Variants in SEMA5A observed in about 807,000 individuals in gnomAD.
The protein encoded by SEMA5A is semaphorin 5A.
A neutral mutation model predicts 135.5 loss-of-function variants in SEMA5A; 55 were observed. That is an observed-to-expected ratio of 0.41 (90% CI 0.33 to 0.51). The LOEUF is 0.51. Among genes scored for constraint, SEMA5A ranks in the 20% least tolerant of loss-of-function variants. The pLI is 0.37. For synonymous variants in SEMA5A, 580 were observed against 546.5 expected (o/e 1.06, Z -0.85); for missense variants, 1,290 against 1,419.9 (o/e 0.91, Z 1.47).
chr5:9,178,708 T>G (rs1316055521), intron 11 of SEMA5A, among the ~76,000 whole-genome samples: 1 of 152,188 alleles, frequency 6.6e-6, no homozygotes, highest in Non-Finnish European at 1.5e-5. Context: ...GTAAAATATG[T>G]TTTACCACAA....
chr5:9,500,693 G>A (rs1417544061), intron 1 of SEMA5A, among the ~76,000 whole-genome samples: 1 of 152,196 alleles, frequency 6.6e-6, no homozygotes, highest in Admixed American at 6.5e-5. Context: ...ATCACATGCA[G>A]TATATAGGGT....
At chr5:9,154,154 T>C (rs1742824547) in intron 12 of SEMA5A, among the ~76,000 whole-genome samples, 1 of 147,972 alleles carries the variant, frequency 6.8e-6, no homozygotes. Context: ...TATATACATA[T>C]ATATAAGCTT....
intron 12 of SEMA5A, among the ~76,000 whole-genome samples, chr5:9,145,535 G>A (rs1373452706): frequency 6.6e-6 from 1 of 152,080 alleles, no homozygotes; most frequent in Non-Finnish European, 1.5e-5. Context: ...GGGGTCTGGA[G>A]CCAAGAAGTG....
At chr5:9,382,631 A>C (rs1375689101) in intron 2 of SEMA5A, among the ~76,000 whole-genome samples, 1 of 152,238 alleles carries the variant, frequency 6.6e-6, no homozygotes, top group Admixed American at 6.5e-5. Flanking sequence ...CAATATGAAT[A>C]AACCTGACCA....
Position 9,035,163 on chromosome 5 carries a change from C to T in SEMA5A, c.*7734G>A, listed in dbSNP as rs1324094277. The stretch of plus-strand genomic sequence containing the variant: ...ACAATCAGGATTCCCTTGTTTTGTT[C>T]CCCCCACAAATGGCAGCTAGAGATG... On this transcript the variant is annotated 3_prime_UTR_variant, in exon 23 of 23. Transcript: ENST00000382496. 6.6e-6 allele frequency: 1 copy of T among 152,232 alleles called. No homozygotes were observed. Among genetic ancestry groups the T allele is most frequent in the Non-Finnish European group, 1.5e-5 (1 of 67,992 alleles). 9.4% of individuals were successfully genotyped at this position (152,232 alleles called of 1,614,324 possible).
chr5:9,044,377 A>T lies in SEMA5A; in HGVS notation c.3101T>A (p.Ile1034Asn). 1 of 1,612,648 alleles carries T rather than the reference A, an allele frequency of 6.2e-7. No individual in the cohort carries two copies. Among genetic ancestry groups the T allele is most frequent in the Non-Finnish European group, 8.5e-7 (1 of 1,179,412 alleles). The change falls in exon 22 of 23, where the codon ATC (isoleucine) becomes AAC (asparagine). Residue 1034 changes from isoleucine to asparagine, a missense_variant. Coordinates refer to ENST00000382496, the MANE Select transcript of SEMA5A (RefSeq NM_003966.3). ...KLDKYDSVEAIKAFNKNNLIL... is the reference protein window; with the variant it reads ...KLDKYDSVEANKAFNKNNLIL... The stretch of plus-strand genomic sequence containing the variant: ...GAAATATTAAAATTCACTTACCTTG[A>T]TGGCCTCCACCGAGTCGTACTTGTC...
chr5:9,174,158 G>C (rs3777277), intron 11 of SEMA5A, among the ~76,000 whole-genome samples: 15,026 of 152,228 alleles, frequency 0.099, 1,218 homozygotes, highest in African/African-American at 0.2. Context: ...TATGCAGTTA[G>C]ACTTGGCCAT....
At chr5:9,068,762 T>C (rs1205321298) in intron 16 of SEMA5A, among the ~76,000 whole-genome samples, 1 of 152,196 alleles carries the variant, frequency 6.6e-6, no homozygotes, top group Non-Finnish European at 1.5e-5. Flanking sequence ...AGATGATTAT[T>C]TTCATGTATG....
intron 1 of SEMA5A, among the ~76,000 whole-genome samples, chr5:9,525,637 C>T (rs1020396698): frequency 6.6e-6 from 1 of 152,198 alleles, no homozygotes; most frequent in Non-Finnish European, 1.5e-5. Flanking sequence ...TTCTGGCCTC[C>T]AGAACTTCAA....
At chr5:9,232,256 A>C (rs1747672228) in intron 6 of SEMA5A, among the ~76,000 whole-genome samples, 1 of 152,174 alleles carries the variant, frequency 6.6e-6, no homozygotes. Flanking sequence ...CCCGTCGCCC[A>C]GCCCACTAAT....
Position 9,375,795 on chromosome 5 carries a change from C to T in SEMA5A, c.124+4028G>A, listed in dbSNP as rs551213583. On this transcript the variant is annotated intron_variant, in intron 3 of 22. Transcript: ENST00000382496. ...GCCTTGAACACTCTGCAGTATCTGA[C>T]GCTCTGCTGGACATAGCCTTCTTGA... Among the ~76,000 whole-genome samples the T allele has an allele frequency of 2.8e-4, 43 of 151,776 alleles. 1 individual carries two copies. The South Asian group carries it at 4.4e-3, about 16-fold the overall frequency.
chr5:9,173,884 TTAACATTATGAAAACA>T (rs981412488), intron 11 of SEMA5A, among the ~76,000 whole-genome samples: 3 of 152,222 alleles, frequency 2.0e-5, no homozygotes, highest in Non-Finnish European at 2.9e-5. Context: ...CATTCCTTTC[TTAACATTATGAAAACA>T]TAACATTATG....
intron 1 of SEMA5A, among the ~76,000 whole-genome samples, chr5:9,467,940 A>T (rs1197790518): frequency 2.6e-5 from 4 of 152,246 alleles, no homozygotes; most frequent in Non-Finnish European, 5.9e-5. Flanking sequence ...GCAGAGTCTA[A>T]CTAATCTTTA....
intron 11 of SEMA5A, among the ~76,000 whole-genome samples, chr5:9,186,974 T>C (rs72741939): frequency 0.19 from 29,439 of 152,170 alleles, 3,046 homozygotes; most frequent in South Asian, 0.25. Context: ...CCCGCTTCTA[T>C]ATCAGTTTTA....
At chr5:9,337,432 G>A (rs1386800806) in intron 4 of SEMA5A, among the ~76,000 whole-genome samples, 2 of 152,140 alleles carry the variant, frequency 1.3e-5, no homozygotes, top group Non-Finnish European at 1.5e-5. Context: ...AATGTTGATA[G>A]TACCTACCTC....
At chr5:9,043,538 A>G (rs181018048) in intron 22 of SEMA5A, among the ~76,000 whole-genome samples, 19 of 152,272 alleles carry the variant, frequency 1.2e-4, no homozygotes, top group Admixed American at 1.1e-3. Context: ...CACTGTAGCC[A>G]TTTTCTATTA....
At chr5:9,133,937 G>T (rs550620164) in intron 13 of SEMA5A, among the ~76,000 whole-genome samples, 18 of 152,032 alleles carry the variant, frequency 1.2e-4, no homozygotes, top group African/African-American at 4.3e-4. Context: ...TTGAATCATG[G>T]GGGTGGTTTC....
At chr5:9,111,805 A>T (rs942600302) in intron 15 of SEMA5A, among the ~76,000 whole-genome samples, 1 of 152,210 alleles carries the variant, frequency 6.6e-6, no homozygotes, top group Non-Finnish European at 1.5e-5. Flanking sequence ...TGGATCCTAC[A>T]CAATTGTGAG....
chr5:9,420,657 G>A (rs921062165), intron 2 of SEMA5A, among the ~76,000 whole-genome samples: 2 of 152,106 alleles, frequency 1.3e-5, no homozygotes, highest in East Asian at 3.9e-4. Context: ...TTAGACAATA[G>A]GAAGGCTCTC....
Sources: allele counts gnomAD v4.1 joint callset (sites outside exome capture counted in the v4.1 genomes callset), GRCh38; gene constraint gnomAD v4.1.1; transcripts MANE v1.5; gene names NCBI Gene and HGNC (gene_info 2026-07-23, HGNC 2026-07-21).